PCDH17: variants seen among roughly 807,000 people sequenced by gnomAD.
The protein encoded by PCDH17 is protocadherin-17.
Under a neutral mutation model 67.7 loss-of-function variants are expected in PCDH17, and 21 were observed. The observed-to-expected ratio is 0.31, with a 90% confidence interval of 0.22 to 0.45. The LOEUF is 0.45. Among genes scored for constraint, PCDH17 ranks in the 20% least tolerant of loss-of-function variants. PCDH17 has a pLI of 1.00. For synonymous variants in PCDH17, 701 were observed against 656.7 expected, an observed-to-expected ratio of 1.07 and a Z score of -1.03; for missense variants, 1,471 against 1,564.8, an observed-to-expected ratio of 0.94 and a Z score of 1.01.
intron 3 of PCDH17, among the ~76,000 whole-genome samples, chr13:57,711,183 A>T (rs568748248): frequency 7.9e-5 from 12 of 151,938 alleles, no homozygotes; most frequent in East Asian, 3.9e-4. Flanking sequence ...ACATTATTTC[A>T]TGTGTTCCTC....
intron 3 of PCDH17, among the ~76,000 whole-genome samples, chr13:57,703,429 A>G (rs771731993): frequency 3.3e-5 from 5 of 152,124 alleles, no homozygotes. Flanking sequence ...AGTGGAGGAA[A>G]GATAAGGAGG....
intron 3 of PCDH17, among the ~76,000 whole-genome samples, chr13:57,719,418 T>C (rs1955854526): frequency 6.6e-6 from 1 of 152,068 alleles, no homozygotes; most frequent in African/African-American, 2.4e-5. Flanking sequence ...GGTTTTTAAG[T>C]GTCTATGACA....
At chr13:57,689,443 T>C (rs1171764683) in intron 3 of PCDH17, among the ~76,000 whole-genome samples, 4 of 152,006 alleles carry the variant, frequency 2.6e-5, no homozygotes, top group African/African-American at 9.7e-5. Context: ...TGTATTGGAC[T>C]TCATAGAAAA....
intron 1 of PCDH17, among the ~76,000 whole-genome samples, chr13:57,653,019 AAT>A (rs1243298721): frequency 1.3e-5 from 2 of 152,176 alleles, no homozygotes; most frequent in Non-Finnish European, 2.9e-5. Context: ...GGGTCTTTCA[AAT>A]AGGAACCTGG....
intron 3 of PCDH17, among the ~76,000 whole-genome samples, chr13:57,711,584 A>T (rs1321968813): frequency 6.6e-6 from 1 of 151,780 alleles, no homozygotes; most frequent in Admixed American, 6.6e-5. Context: ...TTAAATTTAC[A>T]TTTTCTCAAA....
intron 3 of PCDH17, among the ~76,000 whole-genome samples, chr13:57,700,051 C>G (rs568260098): frequency 6.6e-6 from 1 of 152,142 alleles, no homozygotes; most frequent in East Asian, 1.9e-4. Context: ...CTATCACTTT[C>G]AAAATTGCCG....
chr13:57,698,506 G>A (rs927666666), intron 3 of PCDH17, among the ~76,000 whole-genome samples: 5 of 151,778 alleles, frequency 3.3e-5, no homozygotes, highest in South Asian at 2.1e-4. Context: ...AACAGAGGCC[G>A]ATTTTACAAT....
intron 3 of PCDH17, among the ~76,000 whole-genome samples, chr13:57,671,267 T>C (rs9597583): frequency 0.24 from 37,082 of 151,502 alleles, 6,252 homozygotes; most frequent in African/African-American, 0.49. Flanking sequence ...TATTGTTTAT[T>C]TTAAAAATGG....
At chr13:57,666,435 A>G (rs1955254712) in intron 1 of PCDH17, 33 bp from the exon 2 acceptor site, 2 of 1,557,708 alleles carry the variant, frequency 1.3e-6, no homozygotes, top group African/African-American at 1.4e-5. Context: ...TCCAGTGTAC[A>G]ACTATACGTA....
chr13:57,679,128 AC>A (rs544030066), intron 3 of PCDH17, among the ~76,000 whole-genome samples: 1 of 151,552 alleles, frequency 6.6e-6, no homozygotes, highest in Non-Finnish European at 1.5e-5. Flanking sequence ...TAACAAAGTT[AC>A]TTCAAGATAT....
At chr13:57,684,379 T>G (rs1414404916) in intron 3 of PCDH17, among the ~76,000 whole-genome samples, 4 of 151,942 alleles carry the variant, frequency 2.6e-5, no homozygotes, top group Admixed American at 2.6e-4. Context: ...TTCAGTTTAA[T>G]GGCATAAGCT....
intron 3 of PCDH17, among the ~76,000 whole-genome samples, chr13:57,674,458 G>T (rs115939950): frequency 2.0e-5 from 3 of 151,608 alleles, no homozygotes; most frequent in Non-Finnish European, 2.9e-5. Context: ...TTCAAAGTAG[G>T]ACTACAGACA....
rs1222507363 is a variant in PCDH17, at chr13:57,632,102, G to A, written c.-445G>A. 3.2e-5 allele frequency: 7 copies of A among 217,996 alleles called. No homozygotes were observed. Among genetic ancestry groups the A allele is most frequent in the Non-Finnish European group, 6.4e-5 (7 of 108,888 alleles). 13.5% of individuals were successfully genotyped at this position (217,996 alleles called of 1,614,324 possible). ...GTGAAGAGTATTCCGGAGTCTCCGG[G>A]CGGGAGTAGATTTGCAGCACCCTAG... is the stretch of plus-strand genomic sequence containing the variant. On this transcript the variant is annotated 5_prime_UTR_variant, in exon 1 of 4. Coordinates refer to ENST00000377918, the MANE Select transcript of PCDH17 (RefSeq NM_001040429.3).
chr13:57,659,975 G>C (rs1955162454), intron 1 of PCDH17, among the ~76,000 whole-genome samples: 1 of 152,150 alleles, frequency 6.6e-6, no homozygotes, highest in Non-Finnish European at 1.5e-5. Flanking sequence ...GCTTATGCCT[G>C]TAATCTTAGC....
rs1440110314 is a variant in PCDH17 at position 57,634,910 on chromosome 13, C to A, written c.2364C>A (p.Ser788Arg). ...TGAACGTCATGAACGTGGTGAGCAGCCCCTCCCTGGCCACCTCCCCCATGT... is the reference window on the plus strand; with the variant it reads ...TGAACGTCATGAACGTGGTGAGCAGACCCTCCCTGGCCACCTCCCCCATGT... ...NAMNVMNVVS[S>R]PSLATSPMYF... Residue 788 changes from serine (S) to arginine (R), a missense_variant, in exon 1 of 4, where the codon AGC becomes AGA. Transcript: ENST00000377918. The surrounding 1 kb of genome is among the most constrained non-coding windows in gnomAD (Gnocchi z 7.8). 1 of 1,613,876 alleles carries A rather than the reference C, an allele frequency of 6.2e-7. No homozygotes were observed. Among genetic ancestry groups the A allele is most frequent in the South Asian group, 1.1e-5 (1 of 91,046 alleles).
intron 3 of PCDH17, among the ~76,000 whole-genome samples, chr13:57,692,977 A>C (rs1245912499): frequency 2.0e-5 from 3 of 151,094 alleles, no homozygotes; most frequent in African/African-American, 7.2e-5. Flanking sequence ...TAAGAAGTAT[A>C]AAGATTTTCT....
At chr13:57,714,832 A>T (rs1457251200) in intron 3 of PCDH17, among the ~76,000 whole-genome samples, 1 of 151,780 alleles carries the variant, frequency 6.6e-6, no homozygotes, top group African/African-American at 2.4e-5. Flanking sequence ...AAAGTGTCTC[A>T]TTCGACACGG....
At chr13:57,662,642 T>G (rs2138018302) in intron 1 of PCDH17, among the ~76,000 whole-genome samples, 1 of 152,278 alleles carries the variant, frequency 6.6e-6, no homozygotes, top group South Asian at 2.1e-4. Context: ...CTTTTGACCT[T>G]TTTCAGACAA....
rs769843004 is a variant in PCDH17, at chr13:57,634,085, C to G, written c.1539C>G (p.Pro513=). 6 of 1,612,780 alleles carry G rather than the reference C, an allele frequency of 3.7e-6. No individual in the cohort carries two copies. Among genetic ancestry groups the G allele is most frequent in the Non-Finnish European group, 5.1e-6 (6 of 1,179,834 alleles). The change falls in exon 1 of 4, where the codon CCC becomes CCG. Residue 513 remains proline (P), a synonymous_variant. Transcript: ENST00000377918. The surrounding 1 kb of genome is among the most constrained non-coding windows in gnomAD (Gnocchi z 7.8). ...QNGTVSYSIL[P]SHIGDVSIYT... is the part of the protein sequence containing the mutation. Reference sequence around the variant, plus strand: ...GCACCGTATCCTACTCTATCCTGCCCTCGCACATCGGCGACGTGTCTATCT... The same window carrying G: ...GCACCGTATCCTACTCTATCCTGCCGTCGCACATCGGCGACGTGTCTATCT...
Sources: gnomAD v4.1 joint callset for allele counts (sites outside exome capture counted in the v4.1 genomes callset) on GRCh38, gnomAD v4.1.1 for gene constraint, Gnocchi (gnomAD v3.1) non-coding constraint, MANE v1.5 for transcripts, NCBI Gene and HGNC (gene_info 2026-07-23, HGNC 2026-07-21) for gene names.